The following GRM7 variants were observed in gnomAD, a reference collection of about 807,000 sequenced individuals.
The protein encoded by GRM7 is glutamate metabotropic receptor 7.
A neutral mutation model predicts 84.5 loss-of-function variants in GRM7; 35 were observed. The ratio of observed to expected loss-of-function variants is 0.41; its 90% confidence interval spans 0.32 to 0.55. The LOEUF is 0.55. Among genes scored for constraint, GRM7 ranks in the 20% least tolerant of loss-of-function variants. The pLI is 0.19. For synonymous variants in GRM7, 487 were observed against 455.1 expected (o/e 1.07, Z -0.89); for missense variants, 1,003 against 1,194.6 (o/e 0.84, Z 2.36).
rs77798677 is a variant in GRM7, at chr3:6,961,055, G to T, written c.519+99148G>T. On this transcript the variant is annotated intron_variant, in intron 1 of 9. Transcript: ENST00000357716. ...GGTGATTTCAAAATTTACACTGATC[G>T]TTTGCCCAAAATCCCAGTCTCTCTC... 1.7e-3 allele frequency among the ~76,000 whole-genome samples: 259 copies of T among 152,070 alleles called. 3 individuals are homozygous for T. Among genetic ancestry groups the T allele is most frequent in the African/African-American group, 5.6e-3 (232 of 41,460 alleles).
intron 2 of GRM7, among the ~76,000 whole-genome samples, chr3:7,230,801 A>G (rs73809016): frequency 0.012 from 1,900 of 152,302 alleles, 41 homozygotes; most frequent in African/African-American, 0.043. Flanking sequence ...CAGGGAAGAA[A>G]TAATGGAGCG....
intron 1 of GRM7, among the ~76,000 whole-genome samples, chr3:6,866,380 G>A (rs189011578): frequency 6.7e-6 from 1 of 149,950 alleles, no homozygotes; most frequent in East Asian, 2.0e-4. Flanking sequence ...CTAAAAGTCT[G>A]TAATCTTTTT....
chr3:7,116,428 A>G (rs74482485), intron 1 of GRM7, among the ~76,000 whole-genome samples: 2,947 of 152,240 alleles, frequency 0.019, 78 homozygotes, highest in African/African-American at 0.065. Context: ...GCCCAGAGAA[A>G]TCTGGCTGAT....
At chr3:7,734,518 T>C (rs1702437207) in intron 9 of GRM7, among the ~76,000 whole-genome samples, 1 of 152,230 alleles carries the variant, frequency 6.6e-6, no homozygotes, top group South Asian at 2.1e-4. Flanking sequence ...GTTAGATGAA[T>C]GGCTGAGTAG....
chr3:7,735,259 C>T (rs1490651560), intron 9 of GRM7, among the ~76,000 whole-genome samples: 1 of 152,116 alleles, frequency 6.6e-6, no homozygotes, highest in Non-Finnish European at 1.5e-5. Context: ...AGGCAATAAT[C>T]CAACATGCAG....
intron 2 of GRM7, among the ~76,000 whole-genome samples, chr3:7,198,405 T>C (rs1575020713): frequency 6.6e-6 from 1 of 152,160 alleles, no homozygotes; most frequent in Admixed American, 6.5e-5. Flanking sequence ...GCTTCTAGGG[T>C]ACTGATAACC....
chr3:7,546,460 A>G (rs1693155951), intron 7 of GRM7, among the ~76,000 whole-genome samples: 1 of 152,212 alleles, frequency 6.6e-6, no homozygotes, highest in Non-Finnish European at 1.5e-5. Flanking sequence ...CTTCATATTC[A>G]TACTTCTCAG....
At chr3:7,015,140 C>A (rs1695516994) in intron 1 of GRM7, among the ~76,000 whole-genome samples, 1 of 152,048 alleles carries the variant, frequency 6.6e-6, no homozygotes, top group African/African-American at 2.4e-5. Flanking sequence ...ACCCCACCCC[C>A]CCATAAGCCA....
chr3:7,388,581 TTGGTTCA>T (rs1358900370), intron 4 of GRM7, among the ~76,000 whole-genome samples: 1 of 152,116 alleles, frequency 6.6e-6, no homozygotes. Flanking sequence ...AAGGCTTTTT[TTGGTTCA>T]TAGATTTTTT....
intron 4 of GRM7, among the ~76,000 whole-genome samples, chr3:7,361,622 A>G (rs919060553): frequency 2.0e-5 from 3 of 152,136 alleles, no homozygotes; most frequent in Admixed American, 1.3e-4. Flanking sequence ...GAGCCACTTC[A>G]GGAATACTAT....
At chr3:7,378,896 T>C (rs533924497) in intron 4 of GRM7, among the ~76,000 whole-genome samples, 1 of 152,126 alleles carries the variant, frequency 6.6e-6, no homozygotes, top group East Asian at 1.9e-4. Flanking sequence ...TCAGTCAGCT[T>C]CTCCAAGAAT....
In GRM7 at chr3:7,305,167, A is replaced by G. The variant is rs377667463; in HGVS notation, c.879-1331A>G. On this transcript the variant is annotated intron_variant, in intron 3 of 9. Coordinates refer to ENST00000357716, the MANE Select transcript of GRM7 (RefSeq NM_000844.4). ...ATTCCTAGAGTGTCTTAACATTTCA[A>G]TTTCTATTATACTGACTTTTAGTCA... is the stretch of plus-strand genomic sequence containing the variant. Among the ~76,000 whole-genome samples the G allele has an allele frequency of 6.1e-4, 93 of 152,020 alleles. 4 individuals are homozygous for G. In the South Asian group the frequency reaches 0.012, roughly 20 times the overall value.
intron 1 of GRM7, among the ~76,000 whole-genome samples, chr3:6,986,570 G>A (rs771963661): frequency 9.9e-5 from 15 of 152,096 alleles, no homozygotes; most frequent in Non-Finnish European, 1.6e-4. Flanking sequence ...ACACCCTCAT[G>A]TATTTCATAA....
At chr3:7,044,015 C>T (rs1696718153) in intron 1 of GRM7, among the ~76,000 whole-genome samples, 1 of 152,168 alleles carries the variant, frequency 6.6e-6, no homozygotes, top group Non-Finnish European at 1.5e-5. Flanking sequence ...TAATTATCAT[C>T]TCATTAACTT....
intron 4 of GRM7, among the ~76,000 whole-genome samples, chr3:7,392,576 G>A (rs1224877540): frequency 6.6e-6 from 1 of 152,200 alleles, no homozygotes; most frequent in Non-Finnish European, 1.5e-5. Context: ...CATGGGCAAG[G>A]CACTGTGGCA....
At chr3:7,607,603 G>C (rs1322025769) in intron 8 of GRM7, 2 of 151,932 alleles carry the variant, frequency 1.3e-5, no homozygotes, top group Non-Finnish European at 2.9e-5. Flanking sequence ...ATTTTATCTT[G>C]TAACCAAAGT....
Position 7,461,732 on chromosome 3 carries a change from G to T in GRM7, c.1515+10G>T. On this transcript the variant is annotated intron_variant, in intron 7 of 9. Coordinates refer to ENST00000357716, the MANE Select transcript of GRM7 (RefSeq NM_000844.4). ...CGAACTTCAGCTCAATGTGAGTTCTGCTTGCTTCTCTTCTTCCCTTGTTGA... is the reference window on the plus strand; with the variant it reads ...CGAACTTCAGCTCAATGTGAGTTCTTCTTGCTTCTCTTCTTCCCTTGTTGA... 3.1e-6 allele frequency: 5 copies of T among 1,612,306 alleles called. No homozygotes were observed. The highest frequency in any genetic ancestry group is 4.2e-6 in the Non-Finnish European group (5 of 1,178,558).
intron 5 of GRM7, among the ~76,000 whole-genome samples, chr3:7,420,257 A>G (rs1290654315): frequency 6.9e-6 from 1 of 144,688 alleles, no homozygotes; most frequent in South Asian, 2.3e-4. Flanking sequence ...ATGTGCAGAA[A>G]TAATTGATGA....
At chr3:7,481,503 G>T (rs543231958) in intron 7 of GRM7, among the ~76,000 whole-genome samples, 1 of 152,292 alleles carries the variant, frequency 6.6e-6, no homozygotes, top group South Asian at 2.1e-4. Flanking sequence ...TTGAATTCCA[G>T]ATTTGTTAAA....
Sources: gnomAD v4.1 joint callset for allele counts (sites outside exome capture counted in the v4.1 genomes callset) on GRCh38, gnomAD v4.1.1 for gene constraint, MANE v1.5 for transcripts, NCBI Gene and HGNC (gene_info 2026-07-23, HGNC 2026-07-21) for gene names.